The following CDH22 variants were observed in gnomAD, a reference collection of about 807,000 sequenced individuals.
CDH22 encodes cadherin-22.
In CDH22, 30 loss-of-function variants were observed where a neutral mutation model predicts 58.4. The ratio of observed to expected loss-of-function variants is 0.51; its 90% confidence interval spans 0.38 to 0.70. The LOEUF is 0.70. Ranked by LOEUF, CDH22 falls within the 30% of genes least tolerant of loss-of-function variation. The probability of loss-of-function intolerance (pLI) is 0.00; values close to 1 mark genes in which losing one functional copy is unlikely to be tolerated. For synonymous variants in CDH22, 513 were observed against 558.2 expected (o/e 0.92, Z 1.14); for missense variants, 1,014 against 1,233.9 (o/e 0.82, Z 2.67).
At chr20:46,280,568 C>T (rs2086546149) in intron 1 of CDH22, among the ~76,000 whole-genome samples, 1 of 152,182 alleles carries the variant, frequency 6.6e-6, no homozygotes, top group Non-Finnish European at 1.5e-5. Context: ...CTGAACCGGC[C>T]CTAAAGACCT....
At position 46,292,296 on chromosome 20, in the gene CDH22, G is replaced by A. The variant is rs201574448; in HGVS notation, c.-400+15959C>T. ...AATGCAAAGGTCCCATGAGCAGCCC[G>A]TCCTTTTCAGAGCCCTCTGCTCTCC... On this transcript the variant is annotated intron_variant, in intron 1 of 11. Coordinates refer to ENST00000537909, the MANE Select transcript of CDH22 (RefSeq NM_021248.3). Among the ~76,000 whole-genome samples, 6 of 152,214 alleles carry A rather than the reference G, an allele frequency of 3.9e-5. No individual in the cohort carries two copies. The East Asian group carries it at 5.8e-4, about 15-fold the overall frequency.
intron 1 of CDH22, among the ~76,000 whole-genome samples, chr20:46,289,886 G>A (rs2086593182): frequency 6.6e-6 from 1 of 152,194 alleles, no homozygotes; most frequent in South Asian, 2.1e-4. Context: ...TTTCCAACTT[G>A]GCTTCATGTT....
chr20:46,297,722 A>T (rs968573606), intron 1 of CDH22, among the ~76,000 whole-genome samples: 7 of 151,874 alleles, frequency 4.6e-5, no homozygotes, highest in Non-Finnish European at 1.0e-4. Context: ...TTCCAAGAGG[A>T]TGAGGGCTTG....
At chr20:46,193,954 C>T (rs1156579485) in intron 8 of CDH22, among the ~76,000 whole-genome samples, 1 of 152,098 alleles carries the variant, frequency 6.6e-6, no homozygotes, top group Non-Finnish European at 1.5e-5. Context: ...AGGAGTTGGA[C>T]ACAAGCCTGG....
intron 1 of CDH22, among the ~76,000 whole-genome samples, chr20:46,307,056 G>A (rs767023118): frequency 7.0e-4 from 106 of 152,342 alleles, no homozygotes; most frequent in Non-Finnish European, 1.1e-3. Flanking sequence ...TGTGCTGGGG[G>A]CACCTCGGCC....
At chr20:46,261,939 C>T (rs1048384580) in intron 1 of CDH22, among the ~76,000 whole-genome samples, 1 of 152,072 alleles carries the variant, frequency 6.6e-6, no homozygotes, top group Admixed American at 6.5e-5. Context: ...ACTGCCTTAG[C>T]GTGCCTGCAA....
chr20:46,187,093 G>T, intron 8 of CDH22, 146 bp from the exon 9 acceptor site: 1 of 725,064 alleles, frequency 1.4e-6, no homozygotes, highest in Non-Finnish European at 2.2e-6. Context: ...CCAGAACTGG[G>T]AACATTTGGG....
intron 7 of CDH22, among the ~76,000 whole-genome samples, chr20:46,208,489 C>T (rs985811440): frequency 2.6e-5 from 4 of 152,128 alleles, no homozygotes; most frequent in African/African-American, 9.7e-5. Context: ...TTTTCTTTCT[C>T]TCCAGTCTCT....
chr20:46,185,965 C>A (rs531553627), intron 10 of CDH22, among the ~76,000 whole-genome samples: 1 of 152,110 alleles, frequency 6.6e-6, no homozygotes, highest in South Asian at 2.1e-4. Context: ...ATAATCCCAG[C>A]ACTTTGGGAG....
chr20:46,300,707 C>T lies in CDH22; in HGVS notation c.-400+7548G>A, dbSNP rs577471886. On this transcript the variant is annotated intron_variant, in intron 1 of 11. Coordinates refer to ENST00000537909, the MANE Select transcript of CDH22 (RefSeq NM_021248.3). This position sits in a 1 kb window ranked among gnomAD's most constrained non-coding sequence, Gnocchi z 4.4. ...AGCATCCTTCCCTTCCCCAGGGACCCCCCAGTCCCCTCTTCGCTGGCCCCA... is the reference window on the plus strand; with the variant it reads ...AGCATCCTTCCCTTCCCCAGGGACCTCCCAGTCCCCTCTTCGCTGGCCCCA... Among the ~76,000 whole-genome samples, 18 of 152,350 alleles carry T rather than the reference C, an allele frequency of 1.2e-4. No individual in the cohort carries two copies. Among genetic ancestry groups the T allele is most frequent in the African/African-American group, 3.8e-4 (16 of 41,578 alleles).
In CDH22 at chr20:46,207,193, G is replaced by A. The variant is rs535681357; in HGVS notation, c.1286+3114C>T. Among the ~76,000 whole-genome samples, 230 of 152,322 alleles carry A rather than the reference G, an allele frequency of 1.5e-3. 1 individual carries two copies. Among genetic ancestry groups the A allele is most frequent in the African/African-American group, 5.3e-3 (219 of 41,552 alleles). ...TCTGAGGAGCCCCAGGGAAGGGGCC[G>A]GCAAAGAGAGATGAAAGAAGGTGAG... On this transcript the variant is annotated intron_variant, in intron 7 of 11. Transcript: ENST00000537909.
At chr20:46,265,462 T>C (rs2086454974) in intron 1 of CDH22, among the ~76,000 whole-genome samples, 1 of 152,134 alleles carries the variant, frequency 6.6e-6, no homozygotes, top group Non-Finnish European at 1.5e-5. Context: ...ATACTGAAAA[T>C]AGCCCCCTCC....
At chr20:46,201,091 G>T (rs1179795492) in intron 7 of CDH22, among the ~76,000 whole-genome samples, 2 of 152,258 alleles carry the variant, frequency 1.3e-5, no homozygotes, top group Non-Finnish European at 2.9e-5. Flanking sequence ...GGCGGCGGCG[G>T]CCCAGAGAGG....
At chr20:46,197,305 T>A (rs1409539351) in intron 8 of CDH22, among the ~76,000 whole-genome samples, 1 of 150,216 alleles carries the variant, frequency 6.7e-6, no homozygotes, top group African/African-American at 2.4e-5. Flanking sequence ...GATATATATA[T>A]ATATATATAT....
intron 2 of CDH22, among the ~76,000 whole-genome samples, chr20:46,250,688 A>T (rs1006780547): frequency 1.3e-5 from 2 of 152,214 alleles, no homozygotes; most frequent in African/African-American, 4.8e-5. Flanking sequence ...ACCCCAGTGC[A>T]TAGGGAGCTG....
At chr20:46,298,966 AC>A (rs2086639871) in intron 1 of CDH22, among the ~76,000 whole-genome samples, 2 of 152,078 alleles carry the variant, frequency 1.3e-5, no homozygotes, top group East Asian at 3.9e-4. Flanking sequence ...TATCTCCTGG[AC>A]AATTTCAGCT....
chr20:46,201,392 A>G (rs994794717), intron 7 of CDH22, among the ~76,000 whole-genome samples: 2 of 152,218 alleles, frequency 1.3e-5, no homozygotes, highest in Admixed American at 6.5e-5. Flanking sequence ...TGCATTGCCA[A>G]ACCTCTCTGG....
intron 1 of CDH22, among the ~76,000 whole-genome samples, chr20:46,264,879 C>A (rs1330275675): frequency 2.6e-5 from 4 of 151,470 alleles, no homozygotes; most frequent in Admixed American, 2.6e-4. Flanking sequence ...TGCGCACACA[C>A]ACACACCGTG....
intron 10 of CDH22, among the ~76,000 whole-genome samples, chr20:46,185,591 G>A (rs1252248252): frequency 6.6e-6 from 1 of 152,134 alleles, no homozygotes; most frequent in African/African-American, 2.4e-5. Context: ...GAGTGGGCCT[G>A]GCGTGGTGTC....
Sources: allele counts gnomAD v4.1 joint callset (sites outside exome capture counted in the v4.1 genomes callset), GRCh38; gene constraint gnomAD v4.1.1; non-coding constraint Gnocchi (gnomAD v3.1); transcripts MANE v1.5; gene names NCBI Gene and HGNC (gene_info 2026-07-23, HGNC 2026-07-21).